The following PPP4R3A variants were observed in gnomAD, a reference collection of about 807,000 sequenced individuals.
The protein encoded by PPP4R3A is serine/threonine-protein phosphatase 4 regulatory subunit 3A.
In PPP4R3A, 15 loss-of-function variants were observed where a neutral mutation model predicts 91.7. The observed-to-expected ratio is 0.16, with a 90% CI of 0.11 to 0.25. The LOEUF (loss-of-function observed/expected upper bound fraction) is 0.25. PPP4R3A is among the 10% of genes least tolerant of loss of function. PPP4R3A has a pLI of 1.00. For missense variants in PPP4R3A, 623 were observed against 998.4 expected (o/e 0.62, Z 5.07); for synonymous variants, 377 against 348.7 (o/e 1.08, Z -0.91).
intron 1 of PPP4R3A, among the ~76,000 whole-genome samples, chr14:91,502,646 T>TG (rs1270206450): frequency 2.0e-5 from 3 of 152,168 alleles, no homozygotes; most frequent in African/African-American, 7.2e-5. Flanking sequence ...ACAATGAACA[T>TG]GGAGTTCTAT....
At chr14:91,473,624 GT>G (rs1330052077) in intron 7 of PPP4R3A, among the ~76,000 whole-genome samples, 2 of 152,156 alleles carry the variant, frequency 1.3e-5, no homozygotes, top group East Asian at 3.8e-4. Flanking sequence ...CAAAAGCAAA[GT>G]TTTAGTTTGG....
At chr14:91,501,548 T>C (rs139990073) in intron 1 of PPP4R3A, among the ~76,000 whole-genome samples, 2,215 of 152,100 alleles carry the variant, frequency 0.015, 33 homozygotes, top group Middle Eastern at 0.051. Context: ...TCCCAGCTAC[T>C]TGGGACACTG....
intron 1 of PPP4R3A, among the ~76,000 whole-genome samples, chr14:91,497,380 G>A (rs971889057): frequency 7.8e-6 from 1 of 128,918 alleles, no homozygotes; most frequent in Non-Finnish European, 1.6e-5. Context: ...ACACACACAC[G>A]ATACCTTTTC....
intron 1 of PPP4R3A, among the ~76,000 whole-genome samples, chr14:91,504,935 C>T (rs1185486204): frequency 6.6e-6 from 1 of 152,158 alleles, no homozygotes; most frequent in Non-Finnish European, 1.5e-5. Flanking sequence ...ATAGCTTCCC[C>T]GTCCACAAAT....
intron 1 of PPP4R3A, among the ~76,000 whole-genome samples, chr14:91,506,813 A>T (rs1447507929): frequency 6.6e-6 from 1 of 152,076 alleles, no homozygotes; most frequent in African/African-American, 2.4e-5. Context: ...GCATCCCAAA[A>T]TGCTGGGATT....
Position 91,462,255 on chromosome 14 carries a change from A to G in PPP4R3A, c.1974-16T>C. On this transcript the variant is annotated splice_polypyrimidine_tract_variant and intron_variant, in intron 12 of 14. Coordinates refer to ENST00000554943, the MANE Select transcript of PPP4R3A (RefSeq NM_001366432.2). ...GGAACGCATACTATGAGTAGGGAAG[A>G]AAGAGTAAATACAATCATATATGGA... 2 of 1,557,070 alleles carry G rather than the reference A, an allele frequency of 1.3e-6. No homozygotes were observed. Among genetic ancestry groups the G allele is most frequent in the Non-Finnish European group, 8.6e-7 (1 of 1,157,870 alleles).
In PPP4R3A at chr14:91,458,682, T is replaced by G. The variant is rs1887920710; in HGVS notation, c.*77A>C. 2 of 1,607,204 alleles carry G rather than the reference T, an allele frequency of 1.2e-6. No homozygotes were observed. Among genetic ancestry groups the G allele is most frequent in the Non-Finnish European group, 1.7e-6 (2 of 1,174,302 alleles). ...TCATTCACAAGAGACCACTGCGCTT[T>G]GTTGTGGATTTTGTATGGGGGAGGG... is the stretch of plus-strand genomic sequence containing the variant. On this transcript the variant is annotated 3_prime_UTR_variant, in exon 15 of 15. Coordinates refer to ENST00000554943, the MANE Select transcript of PPP4R3A (RefSeq NM_001366432.2).
chr14:91,484,664 G>A (rs112974989), intron 3 of PPP4R3A, among the ~76,000 whole-genome samples: 536 of 152,268 alleles, frequency 3.5e-3, no homozygotes, highest in Non-Finnish European at 5.9e-3. Context: ...GATCCAGTAG[G>A]TCTGGGGTCG....
intron 1 of PPP4R3A, among the ~76,000 whole-genome samples, chr14:91,501,871 A>ATTTTTTTTTTTTTTTTTTTTTT (rs755484959): frequency 1.0e-5 from 1 of 100,238 alleles, no homozygotes; most frequent in Non-Finnish European, 1.9e-5. Context: ...AGCCCGGCTA[A>ATTTTTTTTTTTTTTTTTTTTTT]TTTTTTTTTT....
At chr14:91,488,036 T>C (rs1344713156) in intron 2 of PPP4R3A, among the ~76,000 whole-genome samples, 2 of 152,126 alleles carry the variant, frequency 1.3e-5, no homozygotes, top group Admixed American at 6.5e-5. Flanking sequence ...TTTAAAAATG[T>C]GTCTAAGCAA....
At chr14:91,473,584 T>C (rs1322110893) in intron 7 of PPP4R3A, among the ~76,000 whole-genome samples, 1 of 152,206 alleles carries the variant, frequency 6.6e-6, no homozygotes, top group African/African-American at 2.4e-5. Context: ...AAATTTCTTG[T>C]CTATTATCTT....
In PPP4R3A at chr14:91,481,991, T is replaced by A. The variant is rs752344182; in HGVS notation, c.500A>T (p.Glu167Val). Residue 167 changes from glutamate (E) to valine (V), a missense_variant, in exon 4 of 15, where the codon GAG (glutamate) becomes GTG (valine). Transcript: ENST00000554943. ...REKLALALEN[E>V]GYIKKLLELF... ...CTCCAGGAGCTTTTTAATATAACCC[T>A]CATTTTCTAGTGCCAGTGCAAGTTT... 1.2e-5 allele frequency: 20 copies of A among 1,613,936 alleles called. No individual in the cohort carries two copies. Among genetic ancestry groups the A allele is most frequent in the Non-Finnish European group, 1.5e-5 (18 of 1,180,018 alleles).
At chr14:91,507,553 T>TATAATTA (rs1566660924) in intron 1 of PPP4R3A, among the ~76,000 whole-genome samples, 1 of 71,078 alleles carries the variant, frequency 1.4e-5, no homozygotes, top group Non-Finnish European at 2.3e-5. Context: ...TTATATATAG[T>TATAATTA]TATATATACT....
intron 6 of PPP4R3A, 96 bp from the exon 7 acceptor site, chr14:91,476,062 T>A (rs1889186151): frequency 1.6e-6 from 2 of 1,271,492 alleles, no homozygotes; most frequent in Non-Finnish European, 2.1e-6. Context: ...ATGAAAAAAC[T>A]TCAATGTAAA....
intron 9 of PPP4R3A, among the ~76,000 whole-genome samples, chr14:91,472,433 T>A (rs1888904243): frequency 6.6e-6 from 1 of 150,996 alleles, no homozygotes; most frequent in Non-Finnish European, 1.5e-5. Flanking sequence ...TTCTGTTATC[T>A]GATTACAGTA....
At chr14:91,485,601 A>C (rs1567156468) in intron 3 of PPP4R3A, 31 bp downstream of exon 3, 1 of 1,483,612 alleles carries the variant, frequency 6.7e-7, no homozygotes. Flanking sequence ...ACTTAAAGAA[A>C]GCATGTTGAT....
At chr14:91,506,436 TAGTC>T (rs766695847) in intron 1 of PPP4R3A, among the ~76,000 whole-genome samples, 5 of 152,180 alleles carry the variant, frequency 3.3e-5, no homozygotes, top group Admixed American at 6.5e-5. Flanking sequence ...ACATAGTAGG[TAGTC>T]AGTAAATTTT....
chr14:91,481,661 G>C lies in PPP4R3A; in HGVS notation c.830C>G (p.Thr277Ser). Residue 277 changes from threonine to serine, a missense_variant, in exon 4 of 15, where the codon ACT (threonine) becomes AGT (serine). Thr to Ser is a moderately conservative substitution (Grantham distance 58). Transcript: ENST00000554943. ...CATGTTTTCTTCAAAGACCGAAGGA[G>C]TTGGTAGAACCATATCTTGTATATA... ...VQYIQDMVLP[T>S]PSVFEENMLS... The C allele has an allele frequency of 6.2e-7, 1 of 1,611,642 alleles. No individual in the cohort carries two copies. Among genetic ancestry groups the C allele is most frequent in the Non-Finnish European group, 8.5e-7 (1 of 1,179,444 alleles).
At chr14:91,481,424 G>A (rs952322645) in intron 4 of PPP4R3A, 152 bp downstream of exon 4, 73 of 806,818 alleles carry the variant, frequency 9.0e-5, no homozygotes, top group Non-Finnish European at 1.2e-4. Context: ...TTCTGGTCTC[G>A]TATTATTATT....
Sources: gnomAD v4.1 joint callset for allele counts (sites outside exome capture counted in the v4.1 genomes callset) on GRCh38, gnomAD v4.1.1 for gene constraint, MANE v1.5 for transcripts, NCBI Gene and HGNC (gene_info 2026-07-23, HGNC 2026-07-21) for gene names.